The following FHIT variants were observed in gnomAD, a reference collection of about 807,000 sequenced individuals.
FHIT encodes the protein bis(5'-adenosyl)-triphosphatase.
A neutral mutation model predicts 17.9 loss-of-function variants in FHIT; 19 were observed. The ratio of observed to expected loss-of-function variants is 1.06; its 90% CI spans 0.74 to 1.56. The LOEUF is 1.56. Ranked by LOEUF, FHIT falls within the 40% of genes most tolerant of loss-of-function variation. FHIT has a pLI of 0.00. For missense variants in FHIT, 248 were observed against 189.2 expected, an observed-to-expected ratio of 1.31 and a Z score of -1.82; for synonymous variants, 81 against 69.7, an observed-to-expected ratio of 1.16 and a Z score of -0.81.
chr3:60,924,642 T>C (rs1348253939), intron 3 of FHIT, among the ~76,000 whole-genome samples: 1 of 151,944 alleles, frequency 6.6e-6, no homozygotes, highest in African/African-American at 2.4e-5. Flanking sequence ...ACTCTAAAAA[T>C]CAGAGCGCCT....
At chr3:61,217,562 C>A (rs1165146621) in intron 1 of FHIT, among the ~76,000 whole-genome samples, 1 of 152,138 alleles carries the variant, frequency 6.6e-6, no homozygotes, top group Admixed American at 6.6e-5. Flanking sequence ...ATTTACACTG[C>A]ACTCCACTGG....
intron 3 of FHIT, among the ~76,000 whole-genome samples, chr3:61,029,815 G>C (rs530872384): frequency 4.9e-4 from 74 of 152,124 alleles, no homozygotes; most frequent in Middle Eastern, 3.4e-3. Context: ...GGAACTGCTT[G>C]GTCTATTTTA....
chr3:59,909,887 G>C (rs915885480), intron 8 of FHIT, among the ~76,000 whole-genome samples: 2 of 152,188 alleles, frequency 1.3e-5, no homozygotes, highest in Middle Eastern at 3.2e-3. Flanking sequence ...GGAAATGCAA[G>C]AGAATATGAA....
intron 4 of FHIT, among the ~76,000 whole-genome samples, chr3:60,808,245 A>G (rs1344806927): frequency 6.6e-6 from 1 of 152,046 alleles, no homozygotes; most frequent in African/African-American, 2.4e-5. Flanking sequence ...AAAAATATTG[A>G]TTTTTTTCTT....
chr3:60,961,236 G>A (rs572628190), intron 3 of FHIT, among the ~76,000 whole-genome samples: 2 of 152,302 alleles, frequency 1.3e-5, no homozygotes, highest in East Asian at 1.9e-4. Context: ...GTCTTCTTTT[G>A]AGAAGTGTCT....
intron 3 of FHIT, among the ~76,000 whole-genome samples, chr3:60,885,447 A>C (rs1267716140): frequency 1.2e-4 from 18 of 152,210 alleles, no homozygotes; most frequent in Non-Finnish European, 2.9e-5. Context: ...TCTATTAGCC[A>C]CTGAAAATCT....
At chr3:59,938,185 G>A (rs1255008197) in intron 7 of FHIT, among the ~76,000 whole-genome samples, 1 of 151,978 alleles carries the variant, frequency 6.6e-6, no homozygotes, top group African/African-American at 2.4e-5. Flanking sequence ...ATTAAAAAAT[G>A]GTATATAATA....
At chr3:60,805,899 C>G (rs782228884) in intron 4 of FHIT, among the ~76,000 whole-genome samples, 4 of 152,146 alleles carry the variant, frequency 2.6e-5, no homozygotes, top group Non-Finnish European at 5.9e-5. Context: ...TAAAAGTTGT[C>G]TCCAAATACA....
intron 3 of FHIT, among the ~76,000 whole-genome samples, chr3:60,863,810 C>T (rs1180325952): frequency 6.6e-6 from 1 of 152,106 alleles, no homozygotes; most frequent in African/African-American, 2.4e-5. Context: ...CATTATAAAA[C>T]TATCAGTAAA....
At chr3:60,754,539 G>A (rs1374553095) in intron 4 of FHIT, among the ~76,000 whole-genome samples, 1 of 152,164 alleles carries the variant, frequency 6.6e-6, no homozygotes, top group Non-Finnish European at 1.5e-5. Context: ...GCTGAAGCAG[G>A]AGAATGGCTT....
intron 5 of FHIT, among the ~76,000 whole-genome samples, chr3:60,063,713 G>A (rs555196209): frequency 1.3e-5 from 2 of 152,282 alleles, no homozygotes; most frequent in Admixed American, 1.3e-4. Context: ...CTTTAACCCA[G>A]CAAATGCATT....
At chr3:60,724,928 C>T (rs1383486649) in intron 4 of FHIT, among the ~76,000 whole-genome samples, 2 of 152,144 alleles carry the variant, frequency 1.3e-5, no homozygotes, top group South Asian at 2.1e-4. Flanking sequence ...GGATTACAGG[C>T]ATGAGCCAAC....
intron 3 of FHIT, among the ~76,000 whole-genome samples, chr3:61,032,188 G>A (rs1190575855): frequency 6.6e-6 from 1 of 152,120 alleles, no homozygotes; most frequent in African/African-American, 2.4e-5. Flanking sequence ...ATAATATTCT[G>A]TCTGCTAAAA....
In FHIT at chr3:60,296,891, T is replaced by C. The variant is rs574274812; in HGVS notation, c.103+239969A>G. ...TACAATTTGTTGAAAAGTCTATTCT[T>C]TCTCTAACTGAATTGCTTTTTTATT... On this transcript the variant is annotated intron_variant, in intron 5 of 9. Coordinates refer to ENST00000492590, the MANE Select transcript of FHIT (RefSeq NM_002012.4). 2.0e-5 allele frequency among the ~76,000 whole-genome samples: 3 copies of C among 151,036 alleles called. No homozygotes were observed. The East Asian group carries it at 5.9e-4, about 30-fold the overall frequency.
At chr3:61,059,812 A>G (rs11709041) in intron 2 of FHIT, among the ~76,000 whole-genome samples, 66,895 of 151,920 alleles carry the variant, frequency 0.44, 19,018 homozygotes, top group Non-Finnish European at 0.64. Flanking sequence ...CCATCTGGTT[A>G]TAACACCGAC....
At chr3:59,777,316 A>G (rs1012882595) in intron 8 of FHIT, among the ~76,000 whole-genome samples, 6 of 152,124 alleles carry the variant, frequency 3.9e-5, no homozygotes, top group Admixed American at 1.3e-4. Context: ...TGCGTGTTTA[A>G]TGGCTCATCT....
At chr3:60,065,580 C>G (rs1050321988) in intron 5 of FHIT, among the ~76,000 whole-genome samples, 2 of 152,142 alleles carry the variant, frequency 1.3e-5, no homozygotes, top group Non-Finnish European at 2.9e-5. Context: ...TAGACTACCC[C>G]TAGGCAAGCC....
At chr3:59,974,919 T>C (rs1708343983) in intron 7 of FHIT, among the ~76,000 whole-genome samples, 3 of 152,124 alleles carry the variant, frequency 2.0e-5, no homozygotes. Context: ...ACCACGGCTA[T>C]TCATTACAAA....
chr3:60,269,553 T>C (rs1706760031), intron 5 of FHIT, among the ~76,000 whole-genome samples: 1 of 152,218 alleles, frequency 6.6e-6, no homozygotes, highest in Non-Finnish European at 1.5e-5. Context: ...CTTTTAGCTG[T>C]GTATGACTTA....
Sources: allele counts gnomAD v4.1 joint callset (sites outside exome capture counted in the v4.1 genomes callset), GRCh38; gene constraint gnomAD v4.1.1; transcripts MANE v1.5; gene names NCBI Gene and HGNC (gene_info 2026-07-23, HGNC 2026-07-21).